Variants in SLC25A44 observed in about 807,000 individuals in gnomAD.
SLC25A44 encodes solute carrier family 25, member 44.
A neutral mutation model predicts 29.9 loss-of-function variants in SLC25A44; 17 were observed. That is an observed-to-expected ratio of 0.57 (90% CI 0.39 to 0.85). SLC25A44 has a LOEUF of 0.85. Among genes scored for constraint, SLC25A44 ranks in the 40% least tolerant of loss-of-function variants. The probability of loss-of-function intolerance (pLI) is 0.00; values close to 1 mark genes in which losing one functional copy is unlikely to be tolerated. For synonymous variants in SLC25A44, 140 were observed against 151.8 expected, an observed-to-expected ratio of 0.92 and a Z score of 0.57; for missense variants, 302 against 398.4, an observed-to-expected ratio of 0.76 and a Z score of 2.06.
At chr1:156,200,831 A>ATTTT (rs35620511) in intron 2 of SLC25A44, among the ~76,000 whole-genome samples, 23 of 99,886 alleles carry the variant, frequency 2.3e-4, no homozygotes, top group Non-Finnish European at 3.1e-4. Flanking sequence ...TTTCCTCAGC[A>ATTTT]TTTTTTTTTT....
rs1013747170 is a variant in SLC25A44 at position 156,212,692 on chromosome 1, G to C, written c.*2261G>C. 5 of 240,560 alleles carry C rather than the reference G, an allele frequency of 2.1e-5. No individual in the cohort carries two copies. The highest frequency in any genetic ancestry group is 8.9e-5 in the African/African-American group (4 of 44,834). The allele number at this position is 240,560 out of a possible 1,614,324, so 14.9% of individuals were successfully genotyped here. A position where few individuals can be genotyped will look rare whatever the true frequency, so the allele number is the denominator to read the frequency against. On this transcript the variant is annotated 3_prime_UTR_variant, in exon 4 of 4. Transcript: ENST00000359511. ...AAGGGAATGAAAAGGCAGACTCTCT[G>C]AACGTTTGATGAAATGGACTCTTGT...
chr1:156,205,691 C>T (rs1292429517), intron 2 of SLC25A44, among the ~76,000 whole-genome samples: 1 of 152,192 alleles, frequency 6.6e-6, no homozygotes, highest in Non-Finnish European at 1.5e-5. Flanking sequence ...GTTGGCCTCC[C>T]TATCTCCCTT....
At chr1:156,196,979 A>T (rs1006539596) in intron 1 of SLC25A44, 1 of 152,302 alleles carries the variant, frequency 6.6e-6, no homozygotes, top group Admixed American at 6.5e-5. Context: ...TCTTCCATTG[A>T]CCAGCTGTGT....
chr1:156,201,675 CCTT>C (rs1183626547), intron 2 of SLC25A44, among the ~76,000 whole-genome samples: 1 of 149,274 alleles, frequency 6.7e-6, no homozygotes, highest in Non-Finnish European at 1.5e-5. Flanking sequence ...CTTTCTTCTT[CCTT>C]CTTTTTCTTC....
At chr1:156,203,792 C>T (rs372004533) in intron 2 of SLC25A44, among the ~76,000 whole-genome samples, 5 of 151,128 alleles carry the variant, frequency 3.3e-5, no homozygotes, top group South Asian at 2.1e-4. Context: ...CAAGCCCCGC[C>T]TCCTGGGTTC....
At position 156,212,674 on chromosome 1, in the gene SLC25A44, T is replaced by A. The variant is rs1657413905; in HGVS notation, c.*2243T>A. ...ATTGGAGCACTGAGGAACAAGGGAATGAAAAGGCAGACTCTCTGAACGTTT... is the reference window on the plus strand; with the variant it reads ...ATTGGAGCACTGAGGAACAAGGGAAAGAAAAGGCAGACTCTCTGAACGTTT... On this transcript the variant is annotated 3_prime_UTR_variant, in exon 4 of 4. Coordinates refer to ENST00000359511, the MANE Select transcript of SLC25A44 (RefSeq NM_014655.4). 1 of 206,404 alleles carries A rather than the reference T, an allele frequency of 4.8e-6. No homozygotes were observed. Among genetic ancestry groups the A allele is most frequent in the East Asian group, 1.2e-4 (1 of 8,466 alleles). 12.8% of individuals were successfully genotyped at this position (206,404 alleles called of 1,614,324 possible).
intron 2 of SLC25A44, among the ~76,000 whole-genome samples, chr1:156,206,594 G>A (rs1326323962): frequency 3.3e-5 from 5 of 152,020 alleles, no homozygotes; most frequent in Admixed American, 1.3e-4. Flanking sequence ...GTGCAGTGGC[G>A]TGATCATGGC....
At chr1:156,205,311 G>A (rs1410267794) in intron 2 of SLC25A44, among the ~76,000 whole-genome samples, 1 of 151,914 alleles carries the variant, frequency 6.6e-6, no homozygotes, top group Non-Finnish European at 1.5e-5. Context: ...CAGAGTGCTG[G>A]GATTACAGGC....
intron 2 of SLC25A44, among the ~76,000 whole-genome samples, chr1:156,206,729 C>T (rs970888068): frequency 2.0e-5 from 3 of 151,992 alleles, no homozygotes; most frequent in Non-Finnish European, 4.4e-5. Context: ...GGAGGGGTTT[C>T]ACCATGTTGT....
At position 156,211,006 on chromosome 1, in the gene SLC25A44, CCT is replaced by C. The variant is rs1413964134; in HGVS notation, c.*580_*581del. 1.3e-5 allele frequency: 2 copies of C among 150,840 alleles called. No individual in the cohort carries two copies. Among genetic ancestry groups the C allele is most frequent in the Non-Finnish European group, 2.9e-5 (2 of 68,060 alleles). 9.3% of individuals were successfully genotyped at this position (150,840 alleles called of 1,614,324 possible). A position where few individuals can be genotyped will look rare whatever the true frequency, so the allele number is the denominator to read the frequency against. On this transcript the variant is annotated 3_prime_UTR_variant, in exon 4 of 4. Coordinates refer to ENST00000359511, the MANE Select transcript of SLC25A44 (RefSeq NM_014655.4). ...ATCTCTGGTTCTCCAGAGCACTCGT[CCT>C]CTCTTTGGAGGGGTTATTAGGTTGG...
chr1:156,201,069 C>T (rs1204972464), intron 2 of SLC25A44, among the ~76,000 whole-genome samples: 1 of 151,818 alleles, frequency 6.6e-6, no homozygotes, highest in Non-Finnish European at 1.5e-5. Flanking sequence ...CTCCTGACCT[C>T]GTGATCTGCC....
At chr1:156,203,697 TCC>T (rs1207648926) in intron 2 of SLC25A44, among the ~76,000 whole-genome samples, 2 of 140,832 alleles carry the variant, frequency 1.4e-5, no homozygotes, top group South Asian at 2.2e-4. Flanking sequence ...TCATTCTCTT[TCC>T]TTTTTTTTTT....
chr1:156,200,531 C>A, intron 2 of SLC25A44, 59 bp downstream of exon 2: 1 of 1,477,170 alleles, frequency 6.8e-7, no homozygotes, highest in Non-Finnish European at 9.1e-7. Flanking sequence ...GGCTGAGATA[C>A]TGTTGCTTTG....
In SLC25A44 at chr1:156,198,172, T is replaced by G. The variant is rs1656334605; in HGVS notation, c.-13-1663T>G. 6.6e-6 allele frequency: 1 copy of G among 152,200 alleles called. No homozygotes were observed. Among genetic ancestry groups the G allele is most frequent in the Non-Finnish European group, 1.5e-5 (1 of 68,048 alleles). 9.4% of individuals were successfully genotyped at this position (152,200 alleles called of 1,614,324 possible). A position where few individuals can be genotyped will look rare whatever the true frequency, so the allele number is the denominator to read the frequency against. ...CTCTTAAAGTCTGGGGAGCCCCTGC[T>G]TCTCATTTCCTGGAATTTATCTTCC... On this transcript the variant is annotated intron_variant, in intron 1 of 3. Coordinates refer to ENST00000359511, the MANE Select transcript of SLC25A44 (RefSeq NM_014655.4). This position sits in a 1 kb window ranked among gnomAD's most constrained non-coding sequence, Gnocchi z 4.1.
In SLC25A44 at chr1:156,210,546, C is replaced by A; in HGVS notation, c.*115C>A. 1.5e-6 allele frequency: 1 copy of A among 683,820 alleles called. No individual in the cohort carries two copies. Among genetic ancestry groups the A allele is most frequent in the Non-Finnish European group, 2.3e-6 (1 of 430,418 alleles). 42.4% of individuals were successfully genotyped at this position (683,820 alleles called of 1,614,324 possible). A position where few individuals can be genotyped will look rare whatever the true frequency, so the allele number is the denominator to read the frequency against. On this transcript the variant is annotated 3_prime_UTR_variant, in exon 4 of 4. Coordinates refer to ENST00000359511, the MANE Select transcript of SLC25A44 (RefSeq NM_014655.4). ...ACCACACACCCAGCCCTGCCCTGGG[C>A]CAAGTGGCCTATCTGGGATAGGGAT... is the stretch of plus-strand genomic sequence containing the variant.
intron 1 of SLC25A44, among the ~76,000 whole-genome samples, chr1:156,194,714 A>G (rs914746335): frequency 5.9e-5 from 9 of 152,188 alleles, no homozygotes; most frequent in African/African-American, 2.2e-4. Context: ...GCATGTACAT[A>G]TATTCACGTT....
intron 3 of SLC25A44, 98 bp downstream of exon 3, chr1:156,208,111 C>A: frequency 1.9e-6 from 2 of 1,035,768 alleles, no homozygotes; most frequent in Non-Finnish European, 1.5e-6. Flanking sequence ...TGTGTCCTGG[C>A]CCTCTAGTCC....
In SLC25A44 at chr1:156,210,290, A is replaced by G; in HGVS notation, c.804A>G (p.Glu268=). 6.3e-7 allele frequency: 1 copy of G among 1,596,730 alleles called. No homozygotes were observed. Among genetic ancestry groups the G allele is most frequent in the South Asian group, 1.1e-5 (1 of 88,364 alleles). ...IILTFRQLMA[E]EGPWGLMKGL... ...TGACCTTCAGACAGCTGATGGCAGAAGAAGGGCCTTGGGGCCTCATGAAGG... is the reference window on the plus strand; with the variant it reads ...TGACCTTCAGACAGCTGATGGCAGAGGAAGGGCCTTGGGGCCTCATGAAGG... Residue 268 remains glutamate (E), a synonymous_variant, in exon 4 of 4, where the codon GAA becomes GAG. Transcript: ENST00000359511.
chr1:156,203,322 CTCTT>C (rs1656703125), intron 2 of SLC25A44, among the ~76,000 whole-genome samples: 2 of 152,192 alleles, frequency 1.3e-5, no homozygotes, highest in South Asian at 4.1e-4. Context: ...GGAAAGAGGG[CTCTT>C]TCTGTTTTAT....
Sources: allele counts gnomAD v4.1 joint callset (sites outside exome capture counted in the v4.1 genomes callset), GRCh38; gene constraint gnomAD v4.1.1; non-coding constraint Gnocchi (gnomAD v3.1); transcripts MANE v1.5; gene names NCBI Gene and HGNC (gene_info 2026-07-23, HGNC 2026-07-21).